Variants in GLP1R observed in about 807,000 individuals in gnomAD.
GLP1R encodes the protein glucagon-like peptide 1 receptor.
GLP1R carries 32 observed loss-of-function variants against 68.4 expected under a neutral mutation model. The ratio of observed to expected loss-of-function variants is 0.47; its 90% confidence interval spans 0.35 to 0.63. GLP1R has a LOEUF of 0.63. GLP1R is among the 20% of genes least tolerant of loss of function. The probability of loss-of-function intolerance (pLI) is 0.00; values close to 1 mark genes in which losing one functional copy is unlikely to be tolerated. For missense variants in GLP1R, 502 were observed against 594.9 expected (o/e 0.84, Z 1.62); for synonymous variants, 263 against 244.4 (o/e 1.08, Z -0.71).
At chr6:39,051,191 C>G (rs1768079620) in intron 1 of GLP1R, among the ~76,000 whole-genome samples, 2 of 152,164 alleles carry the variant, frequency 1.3e-5, no homozygotes, top group African/African-American at 2.4e-5. Flanking sequence ...CTGCTATTAG[C>G]TGGTGATCTG....
rs1214982509 is a variant in GLP1R at position 39,056,353 on chromosome 6, G to C, written c.79-44G>C. On this transcript the variant is annotated intron_variant, in intron 1 of 12. Coordinates refer to ENST00000373256, the MANE Select transcript of GLP1R (RefSeq NM_002062.5). Reference sequence around the variant, plus strand: ...TTAGGGGGTGAGGGGGCAGGAGAGGGGCTGGCTGAACCCACAGGCCTCCCA... The same window carrying C: ...TTAGGGGGTGAGGGGGCAGGAGAGGCGCTGGCTGAACCCACAGGCCTCCCA... 3 of 1,002,272 alleles carry C rather than the reference G, an allele frequency of 3.0e-6. No individual in the cohort carries two copies. The East Asian group carries it at 7.3e-5, about 24-fold the overall frequency. 62.1% of individuals were successfully genotyped at this position (1,002,272 alleles called of 1,614,324 possible). A position where few individuals can be genotyped will look rare whatever the true frequency, so the allele number is the denominator to read the frequency against.
At chr6:39,055,458 A>G (rs1768188832) in intron 1 of GLP1R, among the ~76,000 whole-genome samples, 1 of 152,140 alleles carries the variant, frequency 6.6e-6, no homozygotes, top group Non-Finnish European at 1.5e-5. Context: ...GCACAAAAAC[A>G]CTCAGAAGGA....
chr6:39,053,435 T>C (rs1768135188), intron 1 of GLP1R, among the ~76,000 whole-genome samples: 1 of 152,178 alleles, frequency 6.6e-6, no homozygotes. Context: ...CATGAACATA[T>C]ATTCATTTCC....
chr6:39,065,712 G>T lies in GLP1R; in HGVS notation c.285G>T (p.Val95=). The part of the protein sequence containing the change: ...CPWYLPWASS[V]PQGHVYRFCT... ...CAGGGCCAGGTCTCCCCACCCCAGT[G>T]CCGCAGGGCCACGTGTACCGGTTCT... The change falls in exon 4 of 13, where the codon GTG becomes GTT. Residue 95 remains valine, a splice_region_variant and synonymous_variant. Transcript: ENST00000373256. 1 of 1,557,862 alleles carries T rather than the reference G, an allele frequency of 6.4e-7. No homozygotes were observed. The highest frequency in any genetic ancestry group is 2.4e-5 in the East Asian group (1 of 41,536).
chr6:39,058,046 GA>G (rs1768260839), intron 3 of GLP1R, among the ~76,000 whole-genome samples: 1 of 152,246 alleles, frequency 6.6e-6, no homozygotes, highest in South Asian at 2.1e-4. Context: ...AGTCAGTAGT[GA>G]TAAGTTTCAT....
intron 3 of GLP1R, among the ~76,000 whole-genome samples, chr6:39,060,829 G>A (rs1583622102): frequency 6.6e-6 from 1 of 152,220 alleles, no homozygotes; most frequent in African/African-American, 2.4e-5. Flanking sequence ...AGGAGCTAGG[G>A]ATGCCACTGA....
Position 39,049,940 on chromosome 6 carries a change from A to G in GLP1R, c.78+1022A>G, listed in dbSNP as rs1274300088. On this transcript the variant is annotated intron_variant, in intron 1 of 12. Transcript: ENST00000373256. The surrounding 1 kb of genome is among the most constrained non-coding windows in gnomAD (Gnocchi z 4.5). ...CCTCCCACTGCTACCCCCAGACCTA[A>G]AGAACTGAGATCTGTGGGGAGTGGA... Among the ~76,000 whole-genome samples the G allele has an allele frequency of 6.6e-6, 1 of 152,080 alleles. No individual in the cohort carries two copies. The highest frequency in any genetic ancestry group is 1.5e-5 in the Non-Finnish European group (1 of 68,014).
At chr6:39,077,062 A>C (rs1216974376) in intron 7 of GLP1R, among the ~76,000 whole-genome samples, 2 of 152,170 alleles carry the variant, frequency 1.3e-5, no homozygotes, top group Non-Finnish European at 2.9e-5. Flanking sequence ...ATTAACCCTG[A>C]AACTTAGCTA....
rs1030459496 is a variant in GLP1R at position 39,086,221 on chromosome 6, C to T, written c.*148C>T. On this transcript the variant is annotated 3_prime_UTR_variant, in exon 13 of 13. Transcript: ENST00000373256. The surrounding 1 kb of genome is among the most constrained non-coding windows in gnomAD (Gnocchi z 4.5). The stretch of plus-strand genomic sequence containing the variant: ...CACACACACATACATCCTGCTTTCC[C>T]TCCCCAAACCCATCAGACAGGTAAA... The T allele has an allele frequency of 9.4e-6, 6 of 635,758 alleles. No homozygotes were observed. The highest frequency in any genetic ancestry group is 1.3e-5 in the Non-Finnish European group (5 of 379,712). The allele number at this position is 635,758 out of a possible 1,614,324, so 39.4% of individuals were successfully genotyped here.
intron 12 of GLP1R, among the ~76,000 whole-genome samples, chr6:39,083,558 C>T (rs1227678877): frequency 6.6e-6 from 1 of 152,192 alleles, no homozygotes; most frequent in Non-Finnish European, 1.5e-5. Flanking sequence ...CTGAGAGCCA[C>T]AGTGAGGTGA....
At chr6:39,075,650 A>G (rs1265587828) in intron 7 of GLP1R, among the ~76,000 whole-genome samples, 2 of 152,056 alleles carry the variant, frequency 1.3e-5, no homozygotes, top group Non-Finnish European at 2.9e-5. Flanking sequence ...GGGGTGGGGG[A>G]GACGGAGAGA....
At chr6:39,065,600 A>T (rs964684939) in intron 3 of GLP1R, 111 bp from the exon 4 acceptor site, 12 of 650,896 alleles carry the variant, frequency 1.8e-5, no homozygotes, top group East Asian at 1.7e-4. Flanking sequence ...AGAGTAGTCC[A>T]TTCTGGGGGA....
chr6:39,079,173 T>G lies in GLP1R; in HGVS notation c.1016T>G (p.Leu339Arg). ...GTGGTATCCAAACTGAAGGCCAATC[T>G]CATGTGCAAGACAGACATCAAATGC... ...CIVVSKLKAN[L>R]MCKTDIKCRL... is the part of the protein sequence containing the mutation. The change falls in exon 10 of 13, where the codon CTC (leucine) becomes CGC (arginine). Residue 339 changes from leucine to arginine, a missense_variant. Coordinates refer to ENST00000373256, the MANE Select transcript of GLP1R (RefSeq NM_002062.5). The surrounding 1 kb of genome is among the most constrained non-coding windows in gnomAD (Gnocchi z 4.5). 6.2e-7 allele frequency: 1 copy of G among 1,613,760 alleles called. No homozygotes were observed. The highest frequency in any genetic ancestry group is 8.5e-7 in the Non-Finnish European group (1 of 1,179,692).
At chr6:39,076,113 G>T (rs1029936625) in intron 7 of GLP1R, among the ~76,000 whole-genome samples, 1 of 152,200 alleles carries the variant, frequency 6.6e-6, no homozygotes, top group Non-Finnish European at 1.5e-5. Flanking sequence ...GATAACATGG[G>T]TGAGTGCCCT....
chr6:39,082,891 T>C (rs944376828), intron 12 of GLP1R, among the ~76,000 whole-genome samples: 9 of 151,988 alleles, frequency 5.9e-5, no homozygotes, highest in African/African-American at 2.2e-4. Flanking sequence ...CCTCTGACAC[T>C]GTCACTGCAG....
At chr6:39,071,145 G>A (rs1768651807) in intron 5 of GLP1R, among the ~76,000 whole-genome samples, 1 of 151,966 alleles carries the variant, frequency 6.6e-6, no homozygotes, top group Admixed American at 6.6e-5. Context: ...AGGAGATCGA[G>A]ACCATCCTGG....
chr6:39,049,413 G>A lies in GLP1R; in HGVS notation c.78+495G>A, dbSNP rs1251904506. Among the ~76,000 whole-genome samples the A allele has an allele frequency of 6.6e-6, 1 of 152,124 alleles. No individual in the cohort carries two copies. The highest frequency in any genetic ancestry group is 1.5e-5 in the Non-Finnish European group (1 of 68,010). On this transcript the variant is annotated intron_variant, in intron 1 of 12. Transcript: ENST00000373256. This position sits in a 1 kb window ranked among gnomAD's most constrained non-coding sequence, Gnocchi z 4.5. ...CCTGGGAGGAGCTGAGAGGGCCAGG[G>A]TGCGGAGACCCGGCTCCTCTCCCTT...
Position 39,088,386 on chromosome 6 carries a change from C to CTAT in GLP1R, c.*2315_*2317dup, listed in dbSNP as rs2150842004. Among the ~76,000 whole-genome samples, 1 of 152,288 alleles carries CTAT rather than the reference C, an allele frequency of 6.6e-6. No homozygotes were observed. Among genetic ancestry groups the CTAT allele is most frequent in the East Asian group, 1.9e-4 (1 of 5,190 alleles). On this transcript the variant is annotated 3_prime_UTR_variant, in exon 13 of 13. Transcript: ENST00000373256. The stretch of plus-strand genomic sequence containing the variant: ...AATATGGCTCCAACAGGTCTGGGAA[C>CTAT]TATTGAATGCAATGTACTCTGAAAT...
chr6:39,071,241 G>C (rs1237025010), intron 5 of GLP1R, among the ~76,000 whole-genome samples: 2 of 151,166 alleles, frequency 1.3e-5, no homozygotes, highest in African/African-American at 4.9e-5. Flanking sequence ...AGCTACTCAG[G>C]AGGCTGAGGC....
Sources: allele counts gnomAD v4.1 joint callset (sites outside exome capture counted in the v4.1 genomes callset), GRCh38; gene constraint gnomAD v4.1.1; non-coding constraint Gnocchi (gnomAD v3.1); transcripts MANE v1.5; gene names NCBI Gene and HGNC (gene_info 2026-07-23, HGNC 2026-07-21).